Variants in RASGRF1 observed in about 807,000 individuals in gnomAD.
RASGRF1 encodes Ras protein specific guanine nucleotide releasing factor 1.
A neutral mutation model predicts 138.7 loss-of-function variants in RASGRF1; 40 were observed. The ratio of observed to expected loss-of-function variants is 0.29; its 90% CI spans 0.22 to 0.38. RASGRF1 has a LOEUF of 0.38. Among genes scored for constraint, RASGRF1 ranks in the 10% least tolerant of loss-of-function variants. The pLI is 1.00. For missense variants in RASGRF1, 1,108 were observed against 1,650.4 expected (o/e 0.67, Z 5.69); for synonymous variants, 614 against 663.2 (o/e 0.93, Z 1.14).
At chr15:79,048,717 A>G (rs935221913) in intron 4 of RASGRF1, among the ~76,000 whole-genome samples, 2 of 152,200 alleles carry the variant, frequency 1.3e-5, no homozygotes, top group African/African-American at 4.8e-5. Flanking sequence ...TGGGATGAAA[A>G]TCTCAAAATC....
At chr15:79,024,940 T>C (rs1208378636) in intron 10 of RASGRF1, among the ~76,000 whole-genome samples, 1 of 151,192 alleles carries the variant, frequency 6.6e-6, no homozygotes, top group Non-Finnish European at 1.5e-5. Flanking sequence ...ACACCACATA[T>C]ACAAACACAC....
chr15:79,041,755 G>T (rs1292954468), intron 5 of RASGRF1, among the ~76,000 whole-genome samples: 1 of 152,104 alleles, frequency 6.6e-6, no homozygotes, highest in Non-Finnish European at 1.5e-5. Flanking sequence ...ACAGAACCAG[G>T]CCCCCTCACT....
Position 79,073,774 on chromosome 15 carries a change from C to G in RASGRF1, c.277-9248G>C, listed in dbSNP as rs1281527075. Among the ~76,000 whole-genome samples the G allele has an allele frequency of 6.6e-6, 1 of 152,200 alleles. No homozygotes were observed. Among genetic ancestry groups the G allele is most frequent in the Non-Finnish European group, 1.5e-5 (1 of 68,044 alleles). ...TGTTCTTCCAAGAATGTCCCACCACCCTTACTGCCATGAGAGTCCTTAAAG... is the reference window on the plus strand; with the variant it reads ...TGTTCTTCCAAGAATGTCCCACCACGCTTACTGCCATGAGAGTCCTTAAAG... On this transcript the variant is annotated intron_variant, in intron 1 of 26. Coordinates refer to ENST00000558480, the MANE Select transcript of RASGRF1 (RefSeq NM_001145648.3). This position sits in a 1 kb window ranked among gnomAD's most constrained non-coding sequence, Gnocchi z 4.2.
At chr15:79,007,086 GTCCA>G in intron 13 of RASGRF1, among the ~76,000 whole-genome samples, 1 of 152,338 alleles carries the variant, frequency 6.6e-6, no homozygotes, top group South Asian at 2.1e-4. Flanking sequence ...CTACCCAGGT[GTCCA>G]TCAGCTGATA....
chr15:79,049,095 G>A (rs1365597292), intron 4 of RASGRF1, among the ~76,000 whole-genome samples: 2 of 152,140 alleles, frequency 1.3e-5, no homozygotes, highest in African/African-American at 2.4e-5. Context: ...GTGAGAGGTG[G>A]CGTGTACATG....
chr15:78,990,632 C>T (rs1166396606), intron 21 of RASGRF1, among the ~76,000 whole-genome samples: 1 of 152,174 alleles, frequency 6.6e-6, no homozygotes, highest in Non-Finnish European at 1.5e-5. Context: ...GGAGAATTCA[C>T]ATTTTAGTCA....
At chr15:79,038,196 C>T (rs2057248659) in intron 5 of RASGRF1, among the ~76,000 whole-genome samples, 1 of 152,158 alleles carries the variant, frequency 6.6e-6, no homozygotes, top group Non-Finnish European at 1.5e-5. Context: ...ATGTCTAGAT[C>T]CTTTTAGATA....
intron 10 of RASGRF1, among the ~76,000 whole-genome samples, chr15:79,021,111 A>T (rs983511249): frequency 3.3e-5 from 5 of 152,244 alleles, no homozygotes; most frequent in African/African-American, 1.2e-4. Context: ...CTGCAGCCCC[A>T]GCTGACATCT....
At chr15:79,019,517 TTC>T (rs925100663) in intron 11 of RASGRF1, among the ~76,000 whole-genome samples, 1 of 152,074 alleles carries the variant, frequency 6.6e-6, no homozygotes, top group Non-Finnish European at 1.5e-5. Flanking sequence ...AAGGGCATGG[TTC>T]TCTCTCTCAG....
chr15:78,997,278 G>A (rs1007572601), intron 19 of RASGRF1, among the ~76,000 whole-genome samples: 1 of 152,136 alleles, frequency 6.6e-6, no homozygotes, highest in Non-Finnish European at 1.5e-5. Flanking sequence ...ATCAGGCCTC[G>A]CCAGCACTGT....
intron 5 of RASGRF1, among the ~76,000 whole-genome samples, chr15:79,035,845 G>C (rs370958488): frequency 1.3e-5 from 2 of 152,346 alleles, no homozygotes. Flanking sequence ...GAAAACGCTA[G>C]TTTCCCAACA....
At position 79,032,609 on chromosome 15, in the gene RASGRF1, C is replaced by T. The variant is rs2057158142; in HGVS notation, c.959-293G>A. Among the ~76,000 whole-genome samples, 1 of 152,162 alleles carries T rather than the reference C, an allele frequency of 6.6e-6. No individual in the cohort carries two copies. The highest frequency in any genetic ancestry group is 1.9e-4 in the East Asian group (1 of 5,186). On this transcript the variant is annotated intron_variant, in intron 6 of 26. Transcript: ENST00000558480. The surrounding 1 kb of genome is among the most constrained non-coding windows in gnomAD (Gnocchi z 4.5). ...TCAGAGAGAGGAGGTAGAGTGGGCG[C>T]TGTGGGGTGCCACCTGGATCCCCCC...
At chr15:78,966,118 G>A (rs1304719138) in intron 26 of RASGRF1, among the ~76,000 whole-genome samples, 1 of 151,972 alleles carries the variant, frequency 6.6e-6, no homozygotes, top group Non-Finnish European at 1.5e-5. Flanking sequence ...AGTGCTTTAA[G>A]CTGATGAATT....
At chr15:79,019,574 C>A (rs148710463) in intron 11 of RASGRF1, among the ~76,000 whole-genome samples, 347 of 152,314 alleles carry the variant, frequency 2.3e-3, no homozygotes, top group Non-Finnish European at 4.5e-3. Flanking sequence ...CCTGCACATT[C>A]TTTCCTTTTC....
At position 78,962,198 on chromosome 15, in the gene RASGRF1, A is replaced by C. The variant is rs965848378; in HGVS notation, c.3720T>G (p.Asp1240Glu). 6.3e-7 allele frequency: 1 copy of C among 1,586,732 alleles called. No homozygotes were observed. Residue 1240 changes from aspartate (D) to glutamate (E), a missense_variant, in exon 27 of 27, where the codon GAT becomes GAG. Physicochemically the swap from Asp to Glu is conservative, Grantham distance 45. Transcript: ENST00000558480. ...GAGAAGACTCGTAGAGGCTTTCTTC[A>C]TCCATTACAAAAGATTGGTCCAGTA... ...QYLLDQSFVMDEESLYESSLR... is the reference protein window; with the variant it reads ...QYLLDQSFVMEEESLYESSLR...
intron 1 of RASGRF1, among the ~76,000 whole-genome samples, chr15:79,068,495 A>G (rs2057709649): frequency 1.4e-4 from 1 of 7,134 alleles, no homozygotes; most frequent in Non-Finnish European, 2.4e-4. Flanking sequence ...ATATATATAC[A>G]CACACACACG....
intron 1 of RASGRF1, among the ~76,000 whole-genome samples, chr15:79,075,173 C>T (rs2141087840): frequency 6.6e-6 from 1 of 152,290 alleles, no homozygotes; most frequent in Non-Finnish European, 1.5e-5. Context: ...CTAGTCTAGA[C>T]TTTTGCCTGG....
chr15:79,060,497 A>G (rs1025858502), intron 2 of RASGRF1, among the ~76,000 whole-genome samples: 3 of 152,188 alleles, frequency 2.0e-5, no homozygotes, highest in Non-Finnish European at 4.4e-5. Flanking sequence ...AATCTGCATT[A>G]CCTGGCAGTT....
intron 5 of RASGRF1, among the ~76,000 whole-genome samples, chr15:79,040,885 C>A (rs946860436): frequency 6.6e-6 from 1 of 152,218 alleles, no homozygotes; most frequent in African/African-American, 2.4e-5. Context: ...TAACATCTTG[C>A]AGAGCTAGTG....
Sources: allele counts gnomAD v4.1 joint callset (sites outside exome capture counted in the v4.1 genomes callset), GRCh38; gene constraint gnomAD v4.1.1; non-coding constraint Gnocchi (gnomAD v3.1); transcripts MANE v1.5; gene names NCBI Gene and HGNC (gene_info 2026-07-23, HGNC 2026-07-21).